The following CRP variants were observed in gnomAD, a reference collection of about 807,000 sequenced individuals.
The protein encoded by CRP is C-reactive protein.
In CRP, 6 loss-of-function variants were observed where a neutral mutation model predicts 3.0. The ratio of observed to expected loss-of-function variants is 2.02; its 90% confidence interval spans 1.11 to 3.99. The LOEUF is 3.99. Among genes scored for constraint, CRP ranks in the 30% most tolerant of loss-of-function variants. The probability of loss-of-function intolerance (pLI) is 0.00; values close to 1 mark genes in which losing one functional copy is unlikely to be tolerated. For missense variants in CRP, 297 were observed against 271.0 expected (o/e 1.10, Z -0.67); for synonymous variants, 130 against 111.0 (o/e 1.17, Z -1.08).
In CRP at chr1:159,713,435, T is replaced by C; in HGVS notation, c.*90A>G. 6.7e-7 allele frequency: 1 copy of C among 1,495,100 alleles called. No homozygotes were observed. The highest frequency in any genetic ancestry group is 9.0e-7 in the Non-Finnish European group (1 of 1,117,240). The allele number at this position is 1,495,100 out of a possible 1,614,324, so 92.6% of individuals were successfully genotyped here. A position where few individuals can be genotyped will look rare whatever the true frequency, so the allele number is the denominator to read the frequency against. Reference sequence around the variant, plus strand: ...AGACAGAGACGTGGGAACCATGCAGTGTAAAAAAGCGGGAGGTACCAGAGA... The same window carrying C: ...AGACAGAGACGTGGGAACCATGCAGCGTAAAAAAGCGGGAGGTACCAGAGA... On this transcript the variant is annotated 3_prime_UTR_variant, in exon 2 of 2. Coordinates refer to ENST00000255030, the MANE Select transcript of CRP (RefSeq NM_000567.3).
rs36061058 is a variant in CRP, at chr1:159,714,071, C to G, written c.129G>C (p.Pro43=). Reference sequence around the variant, plus strand: ...TGAAGGCTTTGAGAGGCTTCGTTAACGGTGCTTTGAGGGATACATAGGAAG... The same window carrying G: ...TGAAGGCTTTGAGAGGCTTCGTTAAGGGTGCTTTGAGGGATACATAGGAAG... The part of the protein sequence containing the change: ...SDTSYVSLKA[P]LTKPLKAFTV... Residue 43 remains proline (P), a synonymous_variant, in exon 2 of 2, where the codon CCG becomes CCC. Coordinates refer to ENST00000255030, the MANE Select transcript of CRP (RefSeq NM_000567.3). 6.2e-7 allele frequency: 1 copy of G among 1,613,210 alleles called. No homozygotes were observed.
chr1:159,714,257 CCACACACACACACACACACA>C (rs59936680), intron 1 of CRP, 119 bp from the exon 2 acceptor site: 16 of 724,250 alleles, frequency 2.2e-5, no homozygotes, highest in African/African-American at 9.6e-5. Context: ...CAGTTACACA[CCACACACACACACACACACA>C]CACACACACA....
Position 159,713,929 on chromosome 1 carries a change from A to G in CRP, c.271T>C (p.Tyr91His), listed in dbSNP as rs748490043. ...ILIFWSKDIG[Y>H]SFTVGGSEIL... Reference sequence around the variant, plus strand: ...TCAGACCCACCCACTGTAAAACTGTATCCTATATCCTTAGACCAAAATATG... The same window carrying G: ...TCAGACCCACCCACTGTAAAACTGTGTCCTATATCCTTAGACCAAAATATG... The change falls in exon 2 of 2, where the codon TAC (tyrosine) becomes CAC (histidine). Residue 91 changes from tyrosine (Y) to histidine (H), a missense_variant. Physicochemically the swap from Tyr to His is moderately conservative, Grantham distance 83. Coordinates refer to ENST00000255030, the MANE Select transcript of CRP (RefSeq NM_000567.3). 4.3e-6 allele frequency: 7 copies of G among 1,614,092 alleles called. No homozygotes were observed. Among genetic ancestry groups the G allele is most frequent in the Non-Finnish European group, 3.4e-6 (4 of 1,180,022 alleles).
At position 159,713,701 on chromosome 1, in the gene CRP, T is replaced by C. The variant is rs750654134; in HGVS notation, c.499A>G (p.Ser167Gly). 7 of 1,614,208 alleles carry C rather than the reference T, an allele frequency of 4.3e-6. No individual in the cohort carries two copies. In the South Asian group the frequency reaches 7.7e-5, roughly 18 times the overall value. The change falls in exon 2 of 2, where the codon AGC (serine) becomes GGC (glycine). Residue 167 changes from serine to glycine, a missense_variant. By Grantham distance (56) the Ser-to-Gly change is moderately conservative (BLOSUM62 0). Coordinates refer to ENST00000255030, the MANE Select transcript of CRP (RefSeq NM_000567.3). Reference protein sequence around the residue: ...QDSFGGNFEGSQSLVGDIGNV... With the variant: ...QDSFGGNFEGGQSLVGDIGNV... Reference sequence around the variant, plus strand: ...CCAATGTCTCCCACCAGGGACTGGCTTCCTTCAAAGTTCCCACCGAAGGAA... The same window carrying C: ...CCAATGTCTCCCACCAGGGACTGGCCTCCTTCAAAGTTCCCACCGAAGGAA...
At position 159,714,054 on chromosome 1, in the gene CRP, T is replaced by C. The variant is rs775554201; in HGVS notation, c.146A>G (p.Lys49Arg). 1 of 1,613,648 alleles carries C rather than the reference T, an allele frequency of 6.2e-7. No individual in the cohort carries two copies. Among genetic ancestry groups the C allele is most frequent in the South Asian group, 1.1e-5 (1 of 91,080 alleles). ...GAAGTGGAGGCACACAGTGAAGGCTTTGAGAGGCTTCGTTAACGGTGCTTT... is the reference window on the plus strand; with the variant it reads ...GAAGTGGAGGCACACAGTGAAGGCTCTGAGAGGCTTCGTTAACGGTGCTTT... ...SLKAPLTKPL[K>R]AFTVCLHFYT... Residue 49 changes from lysine (K) to arginine (R), a missense_variant, in exon 2 of 2, where the codon AAA becomes AGA. Lys to Arg is a conservative substitution (Grantham distance 26). Coordinates refer to ENST00000255030, the MANE Select transcript of CRP (RefSeq NM_000567.3).
chr1:159,713,015 A>G lies in CRP; in HGVS notation c.*510T>C, dbSNP rs752796937. On this transcript the variant is annotated 3_prime_UTR_variant, in exon 2 of 2. Coordinates refer to ENST00000255030, the MANE Select transcript of CRP (RefSeq NM_000567.3). ...GCAGTTCTATGACATGATGATGAGC[A>G]CTCTGGACCCAAACCAGACACCTGG... 1 of 154,956 alleles carries G rather than the reference A, an allele frequency of 6.5e-6. No individual in the cohort carries two copies. The highest frequency in any genetic ancestry group is 1.4e-5 in the Non-Finnish European group (1 of 70,022). 9.6% of individuals were successfully genotyped at this position (154,956 alleles called of 1,614,324 possible).
Position 159,714,340 on chromosome 1 carries a change from T to C in CRP, c.61+85A>G, listed in dbSNP as rs575436042. The C allele has an allele frequency of 3.3e-6, 4 of 1,227,962 alleles. No homozygotes were observed. In the South Asian group the frequency reaches 4.7e-5, roughly 14 times the overall value. 76.1% of individuals were successfully genotyped at this position (1,227,962 alleles called of 1,614,324 possible). On this transcript the variant is annotated intron_variant, in intron 1 of 1. Transcript: ENST00000255030. ...GTTCTGTTCATACAGTCTTTTTTTT[T>C]TTTTTTTGAGACTGTTCATGCAGTC...
In CRP at chr1:159,714,446, A is replaced by G. The variant is rs765684497; in HGVS notation, c.40T>C (p.Ser14Pro). 4.3e-6 allele frequency: 7 copies of G among 1,613,376 alleles called. No individual in the cohort carries two copies. The highest frequency in any genetic ancestry group is 1.1e-5 in the South Asian group (1 of 91,026). ...TTACCTGTCTGGCCAAAAGCATGAG[A>G]GAGGCTGGTCAAGACCAAGAAACAC... is the stretch of plus-strand genomic sequence containing the variant. ...LLCFLVLTSL[S>P]HAFGQTDMSR... is the part of the protein sequence containing the mutation. Residue 14 changes from serine (S) to proline (P), a missense_variant, in exon 1 of 2, where the codon TCT (serine) becomes CCT (proline). Physicochemically the swap from Ser to Pro is moderately conservative, Grantham distance 74. Coordinates refer to ENST00000255030, the MANE Select transcript of CRP (RefSeq NM_000567.3).
At position 159,713,729 on chromosome 1, in the gene CRP, C is replaced by T. The variant is rs2101677083; in HGVS notation, c.471G>A (p.Gln157=). The T allele has an allele frequency of 3.1e-6, 5 of 1,614,148 alleles. No individual in the cohort carries two copies. Among genetic ancestry groups the T allele is most frequent in the Non-Finnish European group, 3.4e-6 (4 of 1,180,030 alleles). Residue 157 remains glutamine, a synonymous_variant, in exon 2 of 2, where the codon CAG becomes CAA. Transcript: ENST00000255030. ...AEASIILGQE[Q]DSFGGNFEGS... ...CTTCAAAGTTCCCACCGAAGGAATC[C>T]TGCTCCTGCCCCAAGATGATGCTTG... is the stretch of plus-strand genomic sequence containing the variant.
Position 159,714,111 on chromosome 1 carries a change from G to A in CRP, c.89C>T (p.Pro30Leu), listed in dbSNP as rs1660760329. 1 of 1,611,898 alleles carries A rather than the reference G, an allele frequency of 6.2e-7. No homozygotes were observed. Among genetic ancestry groups the A allele is most frequent in the African/African-American group, 1.3e-5 (1 of 74,876 alleles). ...TDMSRKAFVF[P>L]KESDTSYVSL... Reference sequence around the variant, plus strand: ...TACATAGGAAGTATCCGACTCTTTGGGAAACACAAAAGCCTTCCTCGACAT... The same window carrying A: ...TACATAGGAAGTATCCGACTCTTTGAGAAACACAAAAGCCTTCCTCGACAT... Residue 30 changes from proline to leucine, a missense_variant, in exon 2 of 2, where the codon CCC becomes CTC. Transcript: ENST00000255030.
At chr1:159,714,286 C>T in intron 1 of CRP, 139 bp downstream of exon 1, 1 of 1,111,600 alleles carries the variant, frequency 9.0e-7, no homozygotes, top group Non-Finnish European at 1.3e-6. Flanking sequence ...CACACACACA[C>T]ACACACACAC....
At position 159,713,954 on chromosome 1, in the gene CRP, G is replaced by A. The variant is rs370584143; in HGVS notation, c.246C>T (p.Leu82=). The A allele has an allele frequency of 3.0e-5, 49 of 1,613,818 alleles. No homozygotes were observed. In the South Asian group the frequency reaches 4.0e-4, roughly 13 times the overall value. Residue 82 remains leucine, a synonymous_variant, in exon 2 of 2, where the codon CTC becomes CTT. Transcript: ENST00000255030. Reference sequence around the variant, plus strand: ...ATCCTATATCCTTAGACCAAAATATGAGAATCTCATTGTCTTGTCTCTTGG... The same window carrying A: ...ATCCTATATCCTTAGACCAAAATATAAGAATCTCATTGTCTTGTCTCTTGG... ...YATKRQDNEI[L]IFWSKDIGYS... is the part of the protein sequence containing the mutation.
At position 159,713,894 on chromosome 1, in the gene CRP, G is replaced by T. The variant is rs369190068; in HGVS notation, c.306C>A (p.Phe102Leu). The T allele has an allele frequency of 8.7e-6, 14 of 1,613,902 alleles. No individual in the cohort carries two copies. In the African/African-American group the frequency reaches 1.9e-4, roughly 22 times the overall value. The change falls in exon 2 of 2, where the codon TTC becomes TTA. Residue 102 changes from phenylalanine (F) to leucine (L), a missense_variant. Coordinates refer to ENST00000255030, the MANE Select transcript of CRP (RefSeq NM_000567.3). ...SFTVGGSEIL[F>L]EVPEVTVAPV... Reference sequence around the variant, plus strand: ...GAGCTACTGTGACTTCAGGAACCTCGAATAATATTTCAGACCCACCCACTG... The same window carrying T: ...GAGCTACTGTGACTTCAGGAACCTCTAATAATATTTCAGACCCACCCACTG...
chr1:159,714,577 G>C lies in CRP; in HGVS notation c.-92C>G. 1 of 1,406,322 alleles carries C rather than the reference G, an allele frequency of 7.1e-7. No homozygotes were observed. Among genetic ancestry groups the C allele is most frequent in the African/African-American group, 1.4e-5 (1 of 71,336 alleles). 87.1% of individuals were successfully genotyped at this position (1,406,322 alleles called of 1,614,324 possible). The stretch of plus-strand genomic sequence containing the variant: ...GAAAGTTCAGGGGCTAGAAGTCCTA[G>C]ATCTCTTGCCTTAGAGCTACCTCCT... On this transcript the variant is annotated 5_prime_UTR_variant, in exon 1 of 2. It adds an upstream start codon to the 5' untranslated region. Coordinates refer to ENST00000255030, the MANE Select transcript of CRP (RefSeq NM_000567.3).
rs915536884 is a variant in CRP at position 159,713,420 on chromosome 1, G to A, written c.*105C>T. On this transcript the variant is annotated 3_prime_UTR_variant, in exon 2 of 2. Coordinates refer to ENST00000255030, the MANE Select transcript of CRP (RefSeq NM_000567.3). ...GGAACAAAGGCCCAGAGACAGAGAC[G>A]TGGGAACCATGCAGTGTAAAAAAGC... 1.4e-5 allele frequency: 20 copies of A among 1,438,246 alleles called. No individual in the cohort carries two copies. In the East Asian group the frequency reaches 1.6e-4, roughly 12 times the overall value. The allele number at this position is 1,438,246 out of a possible 1,614,324, so 89.1% of individuals were successfully genotyped here.
At position 159,714,221 on chromosome 1, in the gene CRP, A is replaced by T. The variant is rs954090312; in HGVS notation, c.62-83T>A. ...CCCTCACTTACGTATAGAATTTAAG[A>T]TTGAGAAACAGACTGACCCCTTCTC... On this transcript the variant is annotated intron_variant, in intron 1 of 1. Coordinates refer to ENST00000255030, the MANE Select transcript of CRP (RefSeq NM_000567.3). 4 of 1,523,348 alleles carry T rather than the reference A, an allele frequency of 2.6e-6. No individual in the cohort carries two copies. The Admixed American group carries it at 8.2e-5, about 31-fold the overall frequency. 94.4% of individuals were successfully genotyped at this position (1,523,348 alleles called of 1,614,324 possible). A position where few individuals can be genotyped will look rare whatever the true frequency, so the allele number is the denominator to read the frequency against.
chr1:159,714,331 C>A, intron 1 of CRP, 94 bp downstream of exon 1: 24 of 930,626 alleles, frequency 2.6e-5, no homozygotes, highest in Non-Finnish European at 3.7e-5. Flanking sequence ...TTCATACAGT[C>A]TTTTTTTTTT....
rs1322952059 is a variant in CRP, at chr1:159,713,068, G to GC, written c.*456dup. On this transcript the variant is annotated 3_prime_UTR_variant, in exon 2 of 2. Transcript: ENST00000255030. ...AGTGTCCTGATTCTGAGACTGAAGA[G>GC]CCCTGTGAATGTGGGCAATGCCCTC... 1.2e-5 allele frequency: 2 copies of GC among 161,148 alleles called. No homozygotes were observed. The highest frequency in any genetic ancestry group is 4.8e-5 in the African/African-American group (2 of 41,492). The allele number at this position is 161,148 out of a possible 1,614,324, so 10.0% of individuals were successfully genotyped here.
intron 1 of CRP, 141 bp downstream of exon 1, chr1:159,714,284 C>CAA: frequency 9.0e-7 from 1 of 1,112,040 alleles, no homozygotes; most frequent in Non-Finnish European, 1.3e-6. Context: ...CACACACACA[C>CAA]ACACACACAC....
Sources: allele counts gnomAD v4.1 joint callset, GRCh38; gene constraint gnomAD v4.1.1; transcripts MANE v1.5; gene names NCBI Gene and HGNC (gene_info 2026-07-23, HGNC 2026-07-21).